The following RORA variants were observed in gnomAD, a reference collection of about 807,000 sequenced individuals.
RORA encodes the protein RAR related orphan receptor A.
A neutral mutation model predicts 69.5 loss-of-function variants in RORA; 7 were observed. That is an observed-to-expected ratio of 0.10 (90% CI 0.06 to 0.19). RORA has a LOEUF of 0.19. Among genes scored for constraint, RORA ranks in the 10% least tolerant of loss-of-function variants. The pLI is 1.00. For missense variants in RORA, 457 were observed against 663.0 expected, an observed-to-expected ratio of 0.69 and a Z score of 3.41; for synonymous variants, 261 against 240.8, an observed-to-expected ratio of 1.08 and a Z score of -0.78.
At chr15:60,849,808 G>T (rs1202939497) in intron 1 of RORA, among the ~76,000 whole-genome samples, 1 of 152,190 alleles carries the variant, frequency 6.6e-6, no homozygotes, top group Non-Finnish European at 1.5e-5. Context: ...TGGGATTTCA[G>T]TTGGGCCCAT....
intron 2 of RORA, among the ~76,000 whole-genome samples, chr15:60,629,180 G>A (rs2069669474): frequency 1.0e-5 from 1 of 100,072 alleles, no homozygotes. Flanking sequence ...AGGATTGACT[G>A]TTTATTCTTT....
chr15:60,857,365 G>T (rs746198809), intron 1 of RORA, among the ~76,000 whole-genome samples: 31 of 151,904 alleles, frequency 2.0e-4, no homozygotes, highest in Non-Finnish European at 4.1e-4. Context: ...AGACTGAAAT[G>T]ATCTTTGCTC....
intron 1 of RORA, among the ~76,000 whole-genome samples, chr15:61,201,411 A>C (rs2140926696): frequency 6.6e-6 from 1 of 152,354 alleles, no homozygotes; most frequent in Admixed American, 6.5e-5. Flanking sequence ...CCCAAAAGCA[A>C]CACAATCATG....
At chr15:60,533,314 A>G (rs1170374646) in intron 2 of RORA, among the ~76,000 whole-genome samples, 1 of 152,136 alleles carries the variant, frequency 6.6e-6, no homozygotes, top group Non-Finnish European at 1.5e-5. Context: ...TGTATTTTCT[A>G]TACTCTGGAG....
intron 1 of RORA, among the ~76,000 whole-genome samples, chr15:60,679,705 T>G (rs2070612744): frequency 6.6e-6 from 1 of 152,174 alleles, no homozygotes; most frequent in Non-Finnish European, 1.5e-5. Flanking sequence ...ATTACTTAGC[T>G]AGGGAACATG....
chr15:60,723,676 A>G (rs187808077), intron 1 of RORA, among the ~76,000 whole-genome samples: 1 of 152,336 alleles, frequency 6.6e-6, no homozygotes, highest in African/African-American at 2.4e-5. Context: ...AGCCAGGAGT[A>G]CACACAACTC....
intron 1 of RORA, among the ~76,000 whole-genome samples, chr15:61,125,366 G>C (rs1223903378): frequency 6.6e-6 from 1 of 152,178 alleles, no homozygotes; most frequent in African/African-American, 2.4e-5. Flanking sequence ...GGGGGCTGTT[G>C]CTATCAAGAG....
At chr15:60,733,597 T>A (rs2071457367) in intron 1 of RORA, among the ~76,000 whole-genome samples, 1 of 152,162 alleles carries the variant, frequency 6.6e-6, no homozygotes, top group South Asian at 2.1e-4. Context: ...AAAAAGACCA[T>A]GATCTGAAAG....
intron 1 of RORA, among the ~76,000 whole-genome samples, chr15:60,931,869 T>G (rs1391992684): frequency 6.6e-6 from 1 of 152,194 alleles, no homozygotes; most frequent in African/African-American, 2.4e-5. Flanking sequence ...TATTGATTCC[T>G]TCAATATTAA....
At chr15:61,034,772 TA>T (rs1402543971) in intron 1 of RORA, among the ~76,000 whole-genome samples, 1 of 65,666 alleles carries the variant, frequency 1.5e-5, no homozygotes, top group African/African-American at 6.3e-5. Flanking sequence ...TTGATTCCAC[TA>T]AAAACATCAC....
intron 2 of RORA, chr15:60,558,296 A>G: frequency 2.5e-6 from 4 of 1,612,218 alleles, no homozygotes; most frequent in Non-Finnish European, 3.4e-6. Context: ...AGAATCCCAA[A>G]AAGTTCATCC....
At chr15:61,106,474 T>C (rs2078949810) in intron 1 of RORA, among the ~76,000 whole-genome samples, 1 of 152,200 alleles carries the variant, frequency 6.6e-6, no homozygotes, top group Admixed American at 6.5e-5. Flanking sequence ...ACCAGCTTTT[T>C]AGGAGCTTGT....
intron 1 of RORA, among the ~76,000 whole-genome samples, chr15:60,740,154 T>C (rs145623257): frequency 1.8e-3 from 275 of 152,254 alleles, no homozygotes; most frequent in South Asian, 3.9e-3. Context: ...TATCAGTCCA[T>C]GGCAACAAAG....
intron 1 of RORA, among the ~76,000 whole-genome samples, chr15:60,793,425 CACAAT>C (rs2072445850): frequency 6.6e-6 from 1 of 152,092 alleles, no homozygotes; most frequent in South Asian, 2.1e-4. Context: ...TGAGGTAAGC[CACAAT>C]ACATGTGCTC....
In RORA at chr15:60,709,131, C is replaced by T. The variant is rs901772282; in HGVS notation, c.167-30445G>A. ...TCCCAAAACTTATATCAGAAAGATCCGTGGTGGGATTCTACAATATAACAC... is the reference window on the plus strand; with the variant it reads ...TCCCAAAACTTATATCAGAAAGATCTGTGGTGGGATTCTACAATATAACAC... On this transcript the variant is annotated intron_variant, in intron 1 of 10. Transcript: ENST00000335670. Among the ~76,000 whole-genome samples the T allele has an allele frequency of 3.9e-5, 6 of 152,288 alleles. No individual in the cohort carries two copies. In the East Asian group the frequency reaches 7.7e-4, roughly 20 times the overall value.
intron 1 of RORA, among the ~76,000 whole-genome samples, chr15:61,175,512 G>T (rs1182397403): frequency 7.3e-6 from 1 of 137,462 alleles, no homozygotes; most frequent in Non-Finnish European, 1.5e-5. Flanking sequence ...TTCAAGACCA[G>T]CCTGAGCAAC....
At chr15:60,695,449 A>T (rs1484663310) in intron 1 of RORA, among the ~76,000 whole-genome samples, 1 of 151,170 alleles carries the variant, frequency 6.6e-6, no homozygotes, top group Non-Finnish European at 1.5e-5. Context: ...CCTTCTACAA[A>T]CATCTTGATT....
intron 1 of RORA, among the ~76,000 whole-genome samples, chr15:60,924,076 C>G (rs1892133292): frequency 6.6e-6 from 1 of 152,146 alleles, no homozygotes; most frequent in South Asian, 2.1e-4. Context: ...TGAAACTCAC[C>G]TTGGCACTTG....
intron 1 of RORA, among the ~76,000 whole-genome samples, chr15:60,692,110 C>T (rs2070836206): frequency 6.6e-6 from 1 of 152,164 alleles, no homozygotes. Flanking sequence ...AACAATTTCT[C>T]TCCTATTCAA....
Sources: allele counts gnomAD v4.1 joint callset (sites outside exome capture counted in the v4.1 genomes callset), GRCh38; gene constraint gnomAD v4.1.1; transcripts MANE v1.5; gene names NCBI Gene and HGNC (gene_info 2026-07-23, HGNC 2026-07-21).